TCERG1L: variants seen among roughly 807,000 people sequenced by gnomAD.
TCERG1L encodes transcription elongation regulator 1 like.
Under a neutral mutation model 56.3 loss-of-function variants are expected in TCERG1L, and 37 were observed. The ratio of observed to expected loss-of-function variants is 0.66; its 90% confidence interval spans 0.51 to 0.87. The LOEUF is 0.87. Among genes scored for constraint, TCERG1L ranks in the 40% least tolerant of loss-of-function variants. The pLI, the probability that TCERG1L is intolerant of heterozygous loss-of-function variation, is 0.00. For missense variants in TCERG1L, 799 were observed against 774.2 expected, an observed-to-expected ratio of 1.03 and a Z score of -0.38; for synonymous variants, 324 against 326.3, an observed-to-expected ratio of 0.99 and a Z score of 0.08.
chr10:131,230,942 C>T (rs1222518023), intron 4 of TCERG1L, among the ~76,000 whole-genome samples: 1 of 151,664 alleles, frequency 6.6e-6, no homozygotes, highest in East Asian at 1.9e-4. Flanking sequence ...TAGTGATAGA[C>T]TTCGTAATTG....
At chr10:131,093,547 T>C (rs1845205420) in intron 11 of TCERG1L, among the ~76,000 whole-genome samples, 1 of 152,110 alleles carries the variant, frequency 6.6e-6, no homozygotes, top group Non-Finnish European at 1.5e-5. Flanking sequence ...GTCTCTCCTC[T>C]GAGTGGTCTC....
chr10:131,121,844 C>A (rs1337210843), intron 8 of TCERG1L, among the ~76,000 whole-genome samples: 1 of 152,192 alleles, frequency 6.6e-6, no homozygotes, highest in Non-Finnish European at 1.5e-5. Context: ...CAGGTGTGGG[C>A]ACAGTGAGAG....
At chr10:131,219,523 G>C (rs1177801420) in intron 4 of TCERG1L, among the ~76,000 whole-genome samples, 1 of 152,164 alleles carries the variant, frequency 6.6e-6, no homozygotes, top group Non-Finnish European at 1.5e-5. Flanking sequence ...ACTTGCAGGA[G>C]GGCTGAGTGA....
At chr10:131,137,985 G>C (rs1718342591) in intron 7 of TCERG1L, among the ~76,000 whole-genome samples, 1 of 152,154 alleles carries the variant, frequency 6.6e-6, no homozygotes, top group East Asian at 1.9e-4. Flanking sequence ...AATCATGCTA[G>C]AGGCTGAGTG....
rs1312284368 is a variant in TCERG1L, at chr10:131,192,318, A to G, written c.857-25433T>C. ...CAGACAACTGCAAATTAAAACCACA[A>G]TGAGATAACATCTTACTCCTGTAAG... On this transcript the variant is annotated intron_variant, in intron 4 of 11. Transcript: ENST00000368642. Among the ~76,000 whole-genome samples, 3 of 144,394 alleles carry G rather than the reference A, an allele frequency of 2.1e-5. 1 individual carries two copies. Among genetic ancestry groups the G allele is most frequent in the African/African-American group, 5.2e-5 (2 of 38,336 alleles). 94.7% of individuals were successfully genotyped at this position (144,394 alleles called of 152,430 possible). A position where few individuals can be genotyped will look rare whatever the true frequency, so the allele number is the denominator to read the frequency against.
At chr10:131,162,333 G>A (rs1190825424) in intron 6 of TCERG1L, 1 of 152,282 alleles carries the variant, frequency 6.6e-6, no homozygotes, top group Non-Finnish European at 1.5e-5. Flanking sequence ...CCATGGCATA[G>A]AAGCCAGGGG....
chr10:131,201,970 C>T (rs1458895029), intron 4 of TCERG1L, among the ~76,000 whole-genome samples: 2 of 152,190 alleles, frequency 1.3e-5, no homozygotes, highest in East Asian at 1.9e-4. Context: ...GTGGGGGTCA[C>T]GGGGGCTGGT....
intron 3 of TCERG1L, among the ~76,000 whole-genome samples, chr10:131,283,422 G>A (rs894001289): frequency 6.6e-6 from 1 of 152,214 alleles, no homozygotes; most frequent in Non-Finnish European, 1.5e-5. Flanking sequence ...GGCTTCCTTA[G>A]TGAAAAGCAT....
rs1417669116 is a variant in TCERG1L at position 131,267,487 on chromosome 10, C to T, written c.671-7043G>A. ...TGCCAACTTGAGGGGGGTCATGGCT[C>T]CTGCCTGTCCCAGCTCTGCAAAGTG... On this transcript the variant is annotated intron_variant, in intron 3 of 11. Coordinates refer to ENST00000368642, the MANE Select transcript of TCERG1L (RefSeq NM_174937.4). The surrounding 1 kb of genome is among the most constrained non-coding windows in gnomAD (Gnocchi z 4.9). Among the ~76,000 whole-genome samples the T allele has an allele frequency of 6.6e-6, 1 of 152,232 alleles. No homozygotes were observed. Among genetic ancestry groups the T allele is most frequent in the African/African-American group, 2.4e-5 (1 of 41,460 alleles).
intron 4 of TCERG1L, among the ~76,000 whole-genome samples, chr10:131,249,425 C>G (rs1284202850): frequency 6.6e-6 from 1 of 152,140 alleles, no homozygotes; most frequent in Non-Finnish European, 1.5e-5. Context: ...CCCGGCTACC[C>G]CAGCGTAGGG....
At chr10:131,154,486 C>A (rs1845898862) in intron 6 of TCERG1L, among the ~76,000 whole-genome samples, 1 of 152,182 alleles carries the variant, frequency 6.6e-6, no homozygotes, top group Admixed American at 6.5e-5. Context: ...CTCCCTGGGG[C>A]CGGGCCACCA....
intron 4 of TCERG1L, among the ~76,000 whole-genome samples, chr10:131,194,640 T>C (rs1845338145): frequency 6.6e-6 from 1 of 152,210 alleles, no homozygotes; most frequent in Non-Finnish European, 1.5e-5. Flanking sequence ...TCTCTCATGA[T>C]TTCCTCTGGA....
At chr10:131,179,055 T>G (rs1418539382) in intron 4 of TCERG1L, among the ~76,000 whole-genome samples, 1 of 152,120 alleles carries the variant, frequency 6.6e-6, no homozygotes, top group African/African-American at 2.4e-5. Flanking sequence ...CAGGGGAGGC[T>G]GAGCCCGCGT....
chr10:131,298,551 C>G (rs1846722428), intron 3 of TCERG1L, among the ~76,000 whole-genome samples: 2 of 152,058 alleles, frequency 1.3e-5, no homozygotes. Flanking sequence ...GTAGCAGGTA[C>G]TACAGGCACA....
chr10:131,144,847 C>G lies in TCERG1L; in HGVS notation c.1189+1659G>C, dbSNP rs144240892. ...TTGTTAAAAGAAGGAGACGGAGCAT[C>G]GAGCTATGAGCCAGGAAATCCAGGC... On this transcript the variant is annotated intron_variant, in intron 7 of 11. Coordinates refer to ENST00000368642, the MANE Select transcript of TCERG1L (RefSeq NM_174937.4). Among the ~76,000 whole-genome samples, 100 of 152,264 alleles carry G rather than the reference C, an allele frequency of 6.6e-4. 1 individual carries two copies. The East Asian group carries it at 0.019, about 29-fold the overall frequency.
At chr10:131,216,140 G>T (rs1589751513) in intron 4 of TCERG1L, among the ~76,000 whole-genome samples, 1 of 152,326 alleles carries the variant, frequency 6.6e-6, no homozygotes, top group Admixed American at 6.5e-5. Flanking sequence ...GCAAAATCCA[G>T]CCAGGTGTCA....
chr10:131,260,263 G>C lies in TCERG1L; in HGVS notation c.852C>G (p.Val284=), dbSNP rs1589764655. Residue 284 remains valine, a synonymous_variant, in exon 4 of 12, where the codon GTC becomes GTG. Transcript: ENST00000368642. The surrounding 1 kb of genome is among the most constrained non-coding windows in gnomAD (Gnocchi z 5.8). ...GGGACGGCGCTCCGAGCCTACCTGA[G>C]ACGGGGGACGTCCGGAGGGGTATTT... The part of the protein sequence containing the change: ...PIKIPLRTSP[V]SDTRTERGRV... The C allele has an allele frequency of 7.3e-7, 1 of 1,364,546 alleles. No individual in the cohort carries two copies. Among genetic ancestry groups the C allele is most frequent in the Admixed American group, 3.0e-5 (1 of 32,806 alleles). The allele number at this position is 1,364,546 out of a possible 1,614,324, so 84.5% of individuals were successfully genotyped here. A position where few individuals can be genotyped will look rare whatever the true frequency, so the allele number is the denominator to read the frequency against.
intron 11 of TCERG1L, among the ~76,000 whole-genome samples, chr10:131,094,674 CTCCT>C (rs1402604829): frequency 6.6e-6 from 1 of 151,992 alleles, no homozygotes; most frequent in Non-Finnish European, 1.5e-5. Context: ...CCTTCCCTTC[CTCCT>C]TCCTTCTCTC....
chr10:131,127,141 T>C (rs1489330286), intron 8 of TCERG1L, among the ~76,000 whole-genome samples: 6 of 152,118 alleles, frequency 3.9e-5, no homozygotes, highest in African/African-American at 1.4e-4. Context: ...GGCAGGAAAC[T>C]AAATACCACA....
Sources: allele counts gnomAD v4.1 joint callset (sites outside exome capture counted in the v4.1 genomes callset), GRCh38; gene constraint gnomAD v4.1.1; non-coding constraint Gnocchi (gnomAD v3.1); transcripts MANE v1.5; gene names NCBI Gene and HGNC (gene_info 2026-07-23, HGNC 2026-07-21).